Variants in HS6ST3 observed in about 807,000 individuals in gnomAD.
The protein encoded by HS6ST3 is heparan sulfate 6-O-sulfotransferase 3.
In HS6ST3, 12 loss-of-function variants were observed where a neutral mutation model predicts 36.7. The ratio of observed to expected loss-of-function variants is 0.33; its 90% CI spans 0.21 to 0.53. The LOEUF is 0.53. Ranked by LOEUF, HS6ST3 falls within the 20% of genes least tolerant of loss-of-function variation. HS6ST3 has a pLI of 0.95. For missense variants in HS6ST3, 584 were observed against 640.9 expected (o/e 0.91, Z 0.96); for synonymous variants, 240 against 257.5 (o/e 0.93, Z 0.65).
chr13:96,326,877 G>A (rs111460449), intron 1 of HS6ST3, among the ~76,000 whole-genome samples: 51,150 of 147,170 alleles, frequency 0.35, 8,845 homozygotes, highest in Middle Eastern at 0.4. Flanking sequence ...CATTCTAACT[G>A]GTGTGAGATG....
At chr13:96,704,720 C>G (rs1875375115) in intron 1 of HS6ST3, among the ~76,000 whole-genome samples, 1 of 152,048 alleles carries the variant, frequency 6.6e-6, no homozygotes, top group African/African-American at 2.4e-5. Flanking sequence ...ACTGGAACGC[C>G]AGGTGGCAGG....
chr13:96,784,816 G>A (rs1877606559), intron 1 of HS6ST3, among the ~76,000 whole-genome samples: 1 of 152,048 alleles, frequency 6.6e-6, no homozygotes, highest in African/African-American at 2.4e-5. Flanking sequence ...ACCCTAAAAT[G>A]TTCCTCATAA....
intron 1 of HS6ST3, among the ~76,000 whole-genome samples, chr13:96,264,300 T>C (rs2054680819): frequency 1.3e-5 from 2 of 152,160 alleles, no homozygotes; most frequent in Non-Finnish European, 2.9e-5. Context: ...ATCTCCAGAA[T>C]AAAGATTACA....
chr13:96,730,430 G>T (rs1457286529), intron 1 of HS6ST3, among the ~76,000 whole-genome samples: 1 of 152,094 alleles, frequency 6.6e-6, no homozygotes. Flanking sequence ...CACTAGTAGA[G>T]TTAATTGGAT....
intron 1 of HS6ST3, among the ~76,000 whole-genome samples, chr13:96,231,462 C>T (rs2054507873): frequency 6.6e-6 from 1 of 152,014 alleles, no homozygotes; most frequent in South Asian, 2.1e-4. Context: ...ATAACTATGG[C>T]AGAAAGCAAA....
chr13:96,344,763 G>A (rs1480912965), intron 1 of HS6ST3, among the ~76,000 whole-genome samples: 1 of 152,162 alleles, frequency 6.6e-6, no homozygotes, highest in African/African-American at 2.4e-5. Flanking sequence ...CATTGCTTGT[G>A]AACAATGTTG....
chr13:96,464,947 C>CGTGTGTGT (rs71113997), intron 1 of HS6ST3, among the ~76,000 whole-genome samples: 2,077 of 145,502 alleles, frequency 0.014, 18 homozygotes, highest in Non-Finnish European at 0.017. Flanking sequence ...CAAGATGCTT[C>CGTGTGTGT]GTGTGTGTGT....
At position 96,458,938 on chromosome 13, in the gene HS6ST3, T is replaced by G. The variant is rs1211684371; in HGVS notation, c.707+367369T>G. 2.0e-5 allele frequency among the ~76,000 whole-genome samples: 3 copies of G among 151,460 alleles called. No individual in the cohort carries two copies. In the East Asian group the frequency reaches 5.8e-4, roughly 29 times the overall value. On this transcript the variant is annotated intron_variant, in intron 1 of 1. Transcript: ENST00000376705. Reference sequence around the variant, plus strand: ...GGCAAACATGGTGAATCCCCGTTTGTACTAAAAATACAAAAATTAGCTGGG... The same window carrying G: ...GGCAAACATGGTGAATCCCCGTTTGGACTAAAAATACAAAAATTAGCTGGG...
At chr13:96,211,273 G>A (rs2054397667) in intron 1 of HS6ST3, among the ~76,000 whole-genome samples, 1 of 152,100 alleles carries the variant, frequency 6.6e-6, no homozygotes, top group Non-Finnish European at 1.5e-5. Context: ...TATTTAGCTG[G>A]TGAGATAAAC....
At chr13:96,095,044 A>C (rs2053783125) in intron 1 of HS6ST3, among the ~76,000 whole-genome samples, 2 of 152,216 alleles carry the variant, frequency 1.3e-5, no homozygotes, top group African/African-American at 4.8e-5. Flanking sequence ...AAAGGATTGA[A>C]GAGAGAATCT....
At chr13:96,220,528 T>C (rs1273249982) in intron 1 of HS6ST3, among the ~76,000 whole-genome samples, 3 of 152,200 alleles carry the variant, frequency 2.0e-5, no homozygotes, top group Admixed American at 2.0e-4. Flanking sequence ...TTCTCTAAAC[T>C]ATTTGAGCTA....
intron 1 of HS6ST3, among the ~76,000 whole-genome samples, chr13:96,214,375 A>G (rs1007932071): frequency 2.6e-5 from 4 of 151,828 alleles, no homozygotes; most frequent in African/African-American, 9.7e-5. Context: ...TCTGACCACT[A>G]CTTCTCTCTT....
intron 1 of HS6ST3, among the ~76,000 whole-genome samples, chr13:96,413,191 G>A (rs759145139): frequency 3.8e-4 from 58 of 152,110 alleles, no homozygotes; most frequent in Non-Finnish European, 7.5e-4. Flanking sequence ...CTTTTAATTC[G>A]ATTTTGAGAT....
chr13:96,654,544 C>G (rs997423367), intron 1 of HS6ST3, among the ~76,000 whole-genome samples: 1 of 152,048 alleles, frequency 6.6e-6, no homozygotes, highest in Non-Finnish European at 1.5e-5. Flanking sequence ...TTTCTGAGGC[C>G]TCTGTTCTGT....
chr13:96,315,320 A>G (rs2054963041), intron 1 of HS6ST3, among the ~76,000 whole-genome samples: 1 of 152,236 alleles, frequency 6.6e-6, no homozygotes, highest in African/African-American at 2.4e-5. Flanking sequence ...AGAAAAGTTT[A>G]AACATAGCCA....
At chr13:96,609,295 T>A (rs991444556) in intron 1 of HS6ST3, among the ~76,000 whole-genome samples, 1 of 152,140 alleles carries the variant, frequency 6.6e-6, no homozygotes, top group African/African-American at 2.4e-5. Flanking sequence ...TAAAAAGAAT[T>A]TTAAAATTTC....
chr13:96,706,413 T>A (rs1049004894), intron 1 of HS6ST3, among the ~76,000 whole-genome samples: 36 of 121,028 alleles, frequency 3.0e-4, no homozygotes, highest in East Asian at 1.2e-3. Context: ...AGAATATATT[T>A]TATATATATA....
At chr13:96,295,756 C>T (rs926212461) in intron 1 of HS6ST3, among the ~76,000 whole-genome samples, 13 of 152,168 alleles carry the variant, frequency 8.5e-5, no homozygotes, top group Admixed American at 5.9e-4. Flanking sequence ...GCATACACTA[C>T]GTTAACAAGG....
chr13:96,310,267 A>C (rs1369868394), intron 1 of HS6ST3, among the ~76,000 whole-genome samples: 1 of 152,330 alleles, frequency 6.6e-6, no homozygotes, highest in East Asian at 1.9e-4. Flanking sequence ...ATAGAATCAA[A>C]CAGAGAGCAA....
Sources: gnomAD v4.1 joint callset for allele counts (sites outside exome capture counted in the v4.1 genomes callset) on GRCh38, gnomAD v4.1.1 for gene constraint, MANE v1.5 for transcripts, NCBI Gene and HGNC (gene_info 2026-07-23, HGNC 2026-07-21) for gene names.